AHR: variants seen among roughly 807,000 people sequenced by gnomAD.
AHR encodes the protein AH-receptor.
AHR carries 40 observed loss-of-function variants against 86.8 expected under a neutral mutation model. That is an observed-to-expected ratio of 0.46 (90% CI 0.36 to 0.60). AHR has a LOEUF of 0.60. Ranked by LOEUF, AHR falls within the 20% of genes least tolerant of loss-of-function variation. AHR has a pLI of 0.00. For missense variants in AHR, 1,001 were observed against 1,011.6 expected (o/e 0.99, Z 0.14); for synonymous variants, 398 against 354.9 (o/e 1.12, Z -1.37).
At chr7:17,333,689 T>TGAACTTATCTAAA (rs1782324866) in intron 6 of AHR, among the ~76,000 whole-genome samples, 5 of 151,386 alleles carry the variant, frequency 3.3e-5, no homozygotes, top group Non-Finnish European at 7.4e-5. Context: ...GAACAAGGAG[T>TGAACTTATCTAAA]GGTTCACTTA....
chr7:17,323,266 A>G (rs1001848675), intron 3 of AHR, among the ~76,000 whole-genome samples: 1 of 152,154 alleles, frequency 6.6e-6, no homozygotes, highest in African/African-American at 2.4e-5. Flanking sequence ...AAATTGTTAA[A>G]TGCATTTCTT....
At chr7:17,299,559 G>T (rs2115347435) in intron 1 of AHR, among the ~76,000 whole-genome samples, 1 of 152,326 alleles carries the variant, frequency 6.6e-6, no homozygotes, top group South Asian at 2.1e-4. Context: ...CTCTTCCCCC[G>T]CACCAGTGCA....
chr7:17,318,482 A>G (rs921557899), intron 2 of AHR, among the ~76,000 whole-genome samples: 3 of 152,144 alleles, frequency 2.0e-5, no homozygotes, highest in South Asian at 2.1e-4. Context: ...AGATCTTTCA[A>G]TGAGGAAATA....
intron 9 of AHR, among the ~76,000 whole-genome samples, chr7:17,336,426 C>T (rs561216876): frequency 1.2e-4 from 18 of 152,256 alleles, no homozygotes; most frequent in African/African-American, 3.6e-4. Context: ...TAGCATTACA[C>T]TGTCTTAGTT....
chr7:17,338,738 A>C (rs1222626835), intron 9 of AHR, among the ~76,000 whole-genome samples: 1 of 152,140 alleles, frequency 6.6e-6, no homozygotes, highest in African/African-American at 2.4e-5. Flanking sequence ...GCAGGGTGTC[A>C]GGTAGGGATG....
At chr7:17,318,667 G>A (rs898683028) in intron 2 of AHR, among the ~76,000 whole-genome samples, 1 of 152,004 alleles carries the variant, frequency 6.6e-6, no homozygotes, top group Admixed American at 6.6e-5. Flanking sequence ...ACTACATTTT[G>A]TTTCTGTGGA....
chr7:17,334,751 T>TAA (rs1448402830), intron 7 of AHR, 136 bp from the exon 8 acceptor site: 6 of 604,126 alleles, frequency 9.9e-6, no homozygotes, highest in Non-Finnish European at 1.4e-5. Flanking sequence ...TAATTTCACA[T>TAA]CTACTTATGT....
chr7:17,338,376 G>C (rs957888742), intron 9 of AHR, among the ~76,000 whole-genome samples: 1 of 151,666 alleles, frequency 6.6e-6, no homozygotes, highest in African/African-American at 2.4e-5. Flanking sequence ...TTATTTTTGA[G>C]ACAGGATCTT....
intron 1 of AHR, among the ~76,000 whole-genome samples, chr7:17,307,071 A>G (rs1372724723): frequency 1.3e-5 from 2 of 152,172 alleles, no homozygotes; most frequent in African/African-American, 4.8e-5. Flanking sequence ...AATGTAGACA[A>G]TTTTGCATTA....
In AHR at chr7:17,339,084, T is replaced by C. The variant is rs1782387537; in HGVS notation, c.1259T>C (p.Phe420Ser). 6.2e-7 allele frequency: 1 copy of C among 1,614,008 alleles called. No homozygotes were observed. The highest frequency in any genetic ancestry group is 8.5e-7 in the Non-Finnish European group (1 of 1,180,028). The change falls in exon 10 of 11, where the codon TTT (phenylalanine) becomes TCT (serine). Residue 420 changes from phenylalanine (F) to serine (S), a missense_variant. By Grantham distance (155) the Phe-to-Ser change is radical. This residue lies in a region of AHR where 607 missense variants were observed against 543.1 expected (regional missense o/e 1.12). Coordinates refer to ENST00000242057, the MANE Select transcript of AHR (RefSeq NM_001621.5). The stretch of plus-strand genomic sequence containing the variant: ...GTGTTGTATGAGGCAACCAACCCTT[T>C]TCCTGCCATAATGGATCCCTTACCA... ...EAVLYEATNP[F>S]PAIMDPLPLR... is the part of the protein sequence containing the mutation.
chr7:17,319,964 A>T (rs1331072134), intron 2 of AHR, among the ~76,000 whole-genome samples: 1 of 152,028 alleles, frequency 6.6e-6, no homozygotes, highest in African/African-American at 2.4e-5. Flanking sequence ...TTAACCTTAA[A>T]CACAAGAGCA....
chr7:17,320,210 T>C (rs914231123), intron 2 of AHR, among the ~76,000 whole-genome samples: 1 of 152,064 alleles, frequency 6.6e-6, no homozygotes, highest in Non-Finnish European at 1.5e-5. Flanking sequence ...TTTTTGACAT[T>C]GTTTTCTAGT....
rs370642820 is a variant in AHR, at chr7:17,299,381, G to T, written c.65+52G>T. On this transcript the variant is annotated intron_variant, in intron 1 of 10. Transcript: ENST00000242057. Reference sequence around the variant, plus strand: ...GCGGGGGCTGGGCGCTCAGGCACGCGGGTGCGGGAGGCAGCCCCACCCCGC... The same window carrying T: ...GCGGGGGCTGGGCGCTCAGGCACGCTGGTGCGGGAGGCAGCCCCACCCCGC... 36 of 1,590,066 alleles carry T rather than the reference G, an allele frequency of 2.3e-5. No homozygotes were observed. In the African/African-American group the frequency reaches 4.3e-4, roughly 19 times the overall value.
At position 17,334,031 on chromosome 7, in the gene AHR, A is replaced by G. The variant is rs1444868210; in HGVS notation, c.825A>G (p.Pro275=). The change falls in exon 7 of 11, where the codon CCA becomes CCG. Residue 275 remains proline, a synonymous_variant. Coordinates refer to ENST00000242057, the MANE Select transcript of AHR (RefSeq NM_001621.5). ...LFAIATPLQP[P]SILEIRTKNF... is the part of the protein sequence containing the mutation. Reference sequence around the variant, plus strand: ...CGATAGCTACTCCACTTCAGCCACCATCCATACTTGAAATCCGGACCAAAA... The same window carrying G: ...CGATAGCTACTCCACTTCAGCCACCGTCCATACTTGAAATCCGGACCAAAA... The G allele has an allele frequency of 6.2e-7, 1 of 1,613,558 alleles. No homozygotes were observed. The highest frequency in any genetic ancestry group is 8.5e-7 in the Non-Finnish European group (1 of 1,179,540).
chr7:17,330,735 G>A (rs1447139667), intron 5 of AHR, 21 bp from the exon 6 acceptor site: 1 of 1,529,174 alleles, frequency 6.5e-7, no homozygotes, highest in South Asian at 1.3e-5. Context: ...AGTAAATTTT[G>A]TTTTGCCTTT....
rs750482862 is a variant in AHR, at chr7:17,333,959, G to C, written c.753G>C (p.Lys251Asn). ...TAAAGTATCTTCATGGACAGAAAAA[G>C]AAAGGGAAAGATGGATCAATACTTC... ...GKLKYLHGQK[K>N]KGKDGSILPP... Residue 251 changes from lysine (K) to asparagine (N), a missense_variant, in exon 7 of 11, where the codon AAG becomes AAC. Around this residue, in one of 2 missense-constraint regions of AHR, gnomAD observed 394 missense variants for 468.5 expected, o/e 0.84. Coordinates refer to ENST00000242057, the MANE Select transcript of AHR (RefSeq NM_001621.5). 2 of 1,613,404 alleles carry C rather than the reference G, an allele frequency of 1.2e-6. No individual in the cohort carries two copies. Among genetic ancestry groups the C allele is most frequent in the Non-Finnish European group, 1.7e-6 (2 of 1,179,492 alleles).
intron 2 of AHR, among the ~76,000 whole-genome samples, chr7:17,315,356 A>G (rs1584033050): frequency 1.3e-5 from 2 of 152,036 alleles, no homozygotes; most frequent in African/African-American, 4.8e-5. Flanking sequence ...GTTTGCTTTG[A>G]CAACTATTTT....
chr7:17,330,816 A>T lies in AHR; in HGVS notation c.635A>T (p.Asn212Ile). 1 of 1,612,100 alleles carries T rather than the reference A, an allele frequency of 6.2e-7. No individual in the cohort carries two copies. The highest frequency in any genetic ancestry group is 8.5e-7 in the Non-Finnish European group (1 of 1,178,696). The stretch of plus-strand genomic sequence containing the variant: ...AACCCAGACCAGATTCCTCCAGAAA[A>T]CTCTCCTTTAATGGAGAGGTGCTTC... ...CYNPDQIPPE[N>I]SPLMERCFIC... Residue 212 changes from asparagine to isoleucine, a missense_variant, in exon 6 of 11, where the codon AAC becomes ATC. By Grantham distance (149) the Asn-to-Ile change is moderately radical. Around this residue, in one of 2 missense-constraint regions of AHR, gnomAD observed 394 missense variants for 468.5 expected, o/e 0.84. Transcript: ENST00000242057.
chr7:17,318,264 T>C (rs1225809554), intron 2 of AHR, among the ~76,000 whole-genome samples: 1 of 152,102 alleles, frequency 6.6e-6, no homozygotes, highest in Non-Finnish European at 1.5e-5. Context: ...TGAAGAGATG[T>C]GGCATTTAGG....
Sources: gnomAD v4.1 joint callset for allele counts (sites outside exome capture counted in the v4.1 genomes callset) on GRCh38, gnomAD v4.1.1 for gene constraint, gnomAD v4.1.1 regional missense constraint, MANE v1.5 for transcripts, NCBI Gene and HGNC (gene_info 2026-07-23, HGNC 2026-07-21) for gene names.